The following LPCAT1 variants were observed in gnomAD, a reference collection of about 807,000 sequenced individuals.
The protein encoded by LPCAT1 is 1-acylglycerol-3-phosphate O-acyltransferase.
A neutral mutation model predicts 60.9 loss-of-function variants in LPCAT1; 23 were observed. The ratio of observed to expected loss-of-function variants is 0.38; its 90% CI spans 0.27 to 0.53. The LOEUF is 0.53. Ranked by LOEUF, LPCAT1 falls within the 20% of genes least tolerant of loss-of-function variation. The pLI is 0.82. For synonymous variants in LPCAT1, 340 were observed against 301.1 expected (o/e 1.13, Z -1.34); for missense variants, 622 against 723.6 (o/e 0.86, Z 1.61).
intron 8 of LPCAT1, among the ~76,000 whole-genome samples, chr5:1,479,280 G>T (rs1441402681): frequency 6.6e-6 from 1 of 152,218 alleles, no homozygotes; most frequent in Non-Finnish European, 1.5e-5. Flanking sequence ...TACGTGGGAG[G>T]CTGAGGCAGG....
intron 1 of LPCAT1, among the ~76,000 whole-genome samples, chr5:1,518,401 T>C (rs915930677): frequency 1.3e-5 from 2 of 152,196 alleles, no homozygotes; most frequent in Non-Finnish European, 2.9e-5. Context: ...AGTGCAGTGG[T>C]GCGATCTCCG....
intron 13 of LPCAT1, 31 bp downstream of exon 13, chr5:1,466,718 C>T (rs768947110): frequency 1.9e-6 from 3 of 1,591,274 alleles, no homozygotes; most frequent in East Asian, 2.3e-5. Context: ...GCCCAAGGGT[C>T]GCGAGGACGA....
chr5:1,473,474 C>G (rs1489933931), intron 11 of LPCAT1, among the ~76,000 whole-genome samples: 1 of 152,240 alleles, frequency 6.6e-6, no homozygotes, highest in Non-Finnish European at 1.5e-5. Flanking sequence ...TCAATTACGA[C>G]GAGGACCTGG....
Position 1,509,727 on chromosome 5 carries a change from C to T in LPCAT1, c.136-8124G>A, listed in dbSNP as rs374544388. 3.2e-4 allele frequency among the ~76,000 whole-genome samples: 48 copies of T among 152,332 alleles called. No individual in the cohort carries two copies. In the East Asian group the frequency reaches 8.1e-3, roughly 26 times the overall value. On this transcript the variant is annotated intron_variant, in intron 1 of 13. Transcript: ENST00000283415. ...AACATGACTTCTGGTCCAAACCAAA[C>T]GCTGCCTTCAAATATGGAATCAGCG...
intron 5 of LPCAT1, among the ~76,000 whole-genome samples, chr5:1,486,336 G>A (rs905719491): frequency 6.6e-6 from 1 of 152,140 alleles, no homozygotes; most frequent in Non-Finnish European, 1.5e-5. Context: ...GTGCAGCACA[G>A]ACAAGAGACA....
In LPCAT1 at chr5:1,481,465, G is replaced by A. The variant is rs138835638; in HGVS notation, c.727-489C>T. Among the ~76,000 whole-genome samples the A allele has an allele frequency of 5.8e-4, 89 of 152,288 alleles. No individual in the cohort carries two copies. The highest frequency in any genetic ancestry group is 1.9e-3 in the African/African-American group (78 of 41,562). Reference sequence around the variant, plus strand: ...TGCATGTGCAGGGCCCCCCCACCCCGGGTGCTCTGAAGTCCCATCTTCAGC... The same window carrying A: ...TGCATGTGCAGGGCCCCCCCACCCCAGGTGCTCTGAAGTCCCATCTTCAGC... On this transcript the variant is annotated intron_variant, in intron 6 of 13. Coordinates refer to ENST00000283415, the MANE Select transcript of LPCAT1 (RefSeq NM_024830.5). The surrounding 1 kb of genome is among the most constrained non-coding windows in gnomAD (Gnocchi z 7.8).
chr5:1,506,598 G>C (rs1041207623), intron 1 of LPCAT1, among the ~76,000 whole-genome samples: 5 of 152,182 alleles, frequency 3.3e-5, no homozygotes, highest in African/African-American at 1.2e-4. Flanking sequence ...GGGCAGCTGC[G>C]GCAGCCAAGC....
At chr5:1,508,750 A>G (rs1432269648) in intron 1 of LPCAT1, among the ~76,000 whole-genome samples, 1 of 152,250 alleles carries the variant, frequency 6.6e-6, no homozygotes, top group Non-Finnish European at 1.5e-5. Flanking sequence ...AGGCCATCCA[A>G]ATGTTGGCCT....
At chr5:1,470,967 G>A in intron 11 of LPCAT1, 43 bp from the exon 12 acceptor site, 1 of 1,565,110 alleles carries the variant, frequency 6.4e-7, no homozygotes, top group Admixed American at 1.7e-5. Context: ...GCCGCCTTCG[G>A]CACTGGAGAA....
intron 13 of LPCAT1, among the ~76,000 whole-genome samples, chr5:1,464,753 AAAC>A (rs1332015233): frequency 2.1e-5 from 3 of 139,740 alleles, no homozygotes; most frequent in South Asian, 4.7e-4. Flanking sequence ...CACACACACA[AAAC>A]AAGCACACAC....
intron 9 of LPCAT1, among the ~76,000 whole-genome samples, chr5:1,475,119 C>T (rs973157298): frequency 1.3e-5 from 2 of 152,230 alleles, no homozygotes; most frequent in Non-Finnish European, 2.9e-5. Context: ...CTGTGAAGCA[C>T]AGGATGAAGC....
intron 12 of LPCAT1, among the ~76,000 whole-genome samples, chr5:1,467,878 C>T (rs896298024): frequency 4.6e-5 from 7 of 152,140 alleles, no homozygotes; most frequent in African/African-American, 1.7e-4. Flanking sequence ...CCGCCGCCCT[C>T]TCTCTGCCTG....
rs1160459262 is a variant in LPCAT1, at chr5:1,502,949, A to G, written c.136-1346T>C. Among the ~76,000 whole-genome samples, 1 of 152,176 alleles carries G rather than the reference A, an allele frequency of 6.6e-6. No individual in the cohort carries two copies. Among genetic ancestry groups the G allele is most frequent in the Non-Finnish European group, 1.5e-5 (1 of 68,026 alleles). ...TAATATACAGCTCATTTCGCCCGGTATATCTGAAATACCATTTCGACACGT... is the reference window on the plus strand; with the variant it reads ...TAATATACAGCTCATTTCGCCCGGTGTATCTGAAATACCATTTCGACACGT... On this transcript the variant is annotated intron_variant, in intron 1 of 13. Coordinates refer to ENST00000283415, the MANE Select transcript of LPCAT1 (RefSeq NM_024830.5). The surrounding 1 kb of genome is among the most constrained non-coding windows in gnomAD (Gnocchi z 5.5).
chr5:1,492,961 G>T (rs536016009), intron 3 of LPCAT1, among the ~76,000 whole-genome samples: 54 of 152,300 alleles, frequency 3.5e-4, no homozygotes, highest in African/African-American at 1.2e-3. Flanking sequence ...TTGCCACAGT[G>T]GGGGGGCAAA....
rs373206343 is a variant in LPCAT1 at position 1,486,956 on chromosome 5, C to T, written c.667+1435G>A. Among the ~76,000 whole-genome samples the T allele has an allele frequency of 5.3e-5, 8 of 152,326 alleles. No homozygotes were observed. In the East Asian group the frequency reaches 5.8e-4, roughly 11 times the overall value. On this transcript the variant is annotated intron_variant, in intron 5 of 13. Coordinates refer to ENST00000283415, the MANE Select transcript of LPCAT1 (RefSeq NM_024830.5). ...CACACAGTGAGCTCCTACTGGGCAC[C>T]GCCATGAGTCCCCTCAGTTTCGTGA...
chr5:1,498,645 T>C (rs1206096153), intron 2 of LPCAT1, among the ~76,000 whole-genome samples: 4 of 146,890 alleles, frequency 2.7e-5, no homozygotes, highest in African/African-American at 7.5e-5. Flanking sequence ...CACACATACA[T>C]GTACACAGAG....
At chr5:1,486,864 C>T (rs1010891151) in intron 5 of LPCAT1, among the ~76,000 whole-genome samples, 1 of 152,230 alleles carries the variant, frequency 6.6e-6, no homozygotes, top group African/African-American at 2.4e-5. Flanking sequence ...AAGGATCAAG[C>T]CACCGTGTCA....
chr5:1,507,330 T>C (rs1239658141), intron 1 of LPCAT1, among the ~76,000 whole-genome samples: 4 of 152,208 alleles, frequency 2.6e-5, no homozygotes, highest in African/African-American at 4.8e-5. Context: ...ATGGTCACCC[T>C]GTGTGAGCCA....
intron 11 of LPCAT1, among the ~76,000 whole-genome samples, chr5:1,472,181 C>A (rs925579482): frequency 6.8e-6 from 1 of 147,086 alleles, no homozygotes; most frequent in African/African-American, 2.5e-5. Context: ...GAACTCTGGT[C>A]AGAGCAGGAG....
Sources: allele counts gnomAD v4.1 joint callset (sites outside exome capture counted in the v4.1 genomes callset), GRCh38; gene constraint gnomAD v4.1.1; non-coding constraint Gnocchi (gnomAD v3.1); transcripts MANE v1.5; gene names NCBI Gene and HGNC (gene_info 2026-07-23, HGNC 2026-07-21).